Variants in CALCOCO1 observed in about 807,000 individuals in gnomAD.
The protein encoded by CALCOCO1 is calcium binding and coiled-coil domain 1.
A neutral mutation model predicts 86.3 loss-of-function variants in CALCOCO1; 44 were observed. The observed-to-expected ratio is 0.51, with a 90% CI of 0.40 to 0.66. The LOEUF (loss-of-function observed/expected upper bound fraction) is 0.66, where lower values mean the gene tolerates loss of function less well. Ranked by LOEUF, CALCOCO1 falls within the 30% of genes least tolerant of loss-of-function variation. The probability of loss-of-function intolerance (pLI) is 0.00; values close to 1 mark genes in which losing one functional copy is unlikely to be tolerated. For missense variants in CALCOCO1, 708 were observed against 851.1 expected (o/e 0.83, Z 2.09); for synonymous variants, 297 against 327.6 (o/e 0.91, Z 1.01).
chr12:53,718,799 T>C (rs1241630855), intron 7 of CALCOCO1, among the ~76,000 whole-genome samples: 3 of 151,458 alleles, frequency 2.0e-5, no homozygotes, highest in African/African-American at 4.9e-5. Flanking sequence ...CAAAGTGTTA[T>C]GATCACAGGT....
chr12:53,714,711 A>G lies in CALCOCO1; in HGVS notation c.1387-18T>C. ...AACTGTACCTGAGGGAAGAGGGCCC[A>G]ATGGAATCTGGAGCCTAGAATGTAC... is the stretch of plus-strand genomic sequence containing the variant. On this transcript the variant is annotated intron_variant, in intron 10 of 14. Transcript: ENST00000550804. The G allele has an allele frequency of 1.9e-6, 3 of 1,588,246 alleles. No homozygotes were observed. Among genetic ancestry groups the G allele is most frequent in the Non-Finnish European group, 2.6e-6 (3 of 1,158,052 alleles).
At position 53,723,688 on chromosome 12, in the gene CALCOCO1, G is replaced by C; in HGVS notation, c.355C>G (p.Arg119Gly). The C allele has an allele frequency of 6.2e-7, 1 of 1,614,182 alleles. No homozygotes were observed. Among genetic ancestry groups the C allele is most frequent in the Non-Finnish European group, 8.5e-7 (1 of 1,180,036 alleles). The stretch of plus-strand genomic sequence containing the variant: ...AGTTCATCCATGGGCCTTGGCTCTC[G>C]GAACTGGAAAGGGGGGCTCTGCCCA... ...VCGQSPPFQF[R>G]EPRPMDELVT... Residue 119 changes from arginine (R) to glycine (G), a missense_variant, in exon 4 of 15, where the codon CGA (arginine) becomes GGA (glycine). By Grantham distance (125) the Arg-to-Gly change is moderately radical. Coordinates refer to ENST00000550804, the MANE Select transcript of CALCOCO1 (RefSeq NM_020898.3).
At position 53,725,236 on chromosome 12, in the gene CALCOCO1, C is replaced by T; in HGVS notation, c.7G>A (p.Glu3Lys). Reference sequence around the variant, plus strand: ...GATGGTGCCCGGCTTAGTGGTGATTCTTCCATCCTGGCCTTGAGATATCTG... The same window carrying T: ...GATGGTGCCCGGCTTAGTGGTGATTTTTCCATCCTGGCCTTGAGATATCTG... Reference protein sequence around the residue: MEESPLSRAPSRG... With the variant: MEKSPLSRAPSRG... The change falls in exon 2 of 15, where the codon GAA (glutamate) becomes AAA (lysine). Residue 3 changes from glutamate (E) to lysine (K), a missense_variant. By Grantham distance (56) the Glu-to-Lys change is moderately conservative (BLOSUM62 1). Transcript: ENST00000550804. 2 of 1,595,216 alleles carry T rather than the reference C, an allele frequency of 1.3e-6. No homozygotes were observed. The highest frequency in any genetic ancestry group is 1.7e-6 in the Non-Finnish European group (2 of 1,171,462).
At chr12:53,725,321 C>T in intron 1 of CALCOCO1, 55 bp from the exon 2 acceptor site, 3 of 1,243,478 alleles carry the variant, frequency 2.4e-6, no homozygotes, top group Non-Finnish European at 3.3e-6. Context: ...TCCTTCCCCC[C>T]ACAGCTCCAG....
chr12:53,714,131 A>G lies in CALCOCO1; in HGVS notation c.1591+2T>C. On this transcript the variant is annotated splice_donor_variant, in intron 12 of 14. Coordinates refer to ENST00000550804, the MANE Select transcript of CALCOCO1 (RefSeq NM_020898.3). LOFTEE classifies it high-confidence loss of function. ...GTGTTACAAGATTGGGGCTACACGG[A>G]CTCAGCCCCACAGCGGCCTCCTCAT... 5.6e-6 allele frequency: 9 copies of G among 1,601,922 alleles called. No homozygotes were observed. The highest frequency in any genetic ancestry group is 7.7e-6 in the Non-Finnish European group (9 of 1,171,388).
intron 1 of CALCOCO1, among the ~76,000 whole-genome samples, chr12:53,727,201 G>GCCCC (rs1463822487): frequency 2.6e-5 from 4 of 152,054 alleles, no homozygotes; most frequent in African/African-American, 7.2e-5. Flanking sequence ...ACGAGGGGGC[G>GCCCC]CCCCCCACCC....
At chr12:53,719,615 G>T in intron 7 of CALCOCO1, 124 bp downstream of exon 7, 1 of 670,016 alleles carries the variant, frequency 1.5e-6, no homozygotes, top group East Asian at 2.7e-5. Flanking sequence ...TATGTCTTAT[G>T]TTCCCTAGTA....
At chr12:53,721,841 G>A (rs77592174) in intron 5 of CALCOCO1, 184 bp downstream of exon 5, 13,371 of 811,472 alleles carry the variant, frequency 0.016, 170 homozygotes, top group Middle Eastern at 0.041. Context: ...CTCATTACAC[G>A]TTTGGAACAT....
In CALCOCO1 at chr12:53,719,811, C is replaced by A; in HGVS notation, c.777G>T (p.Lys259Asn). 6.2e-7 allele frequency: 1 copy of A among 1,613,484 alleles called. No individual in the cohort carries two copies. The highest frequency in any genetic ancestry group is 8.5e-7 in the Non-Finnish European group (1 of 1,179,548). ...GCTTCTCTTGTTCCCGAGTCAGGGC[C>A]TTCACTGTGTCTCTAAGCCTGTGAT... Reference protein sequence around the residue: ...VELDRLRDTVKALTREQEKLL... With the variant: ...VELDRLRDTVNALTREQEKLL... The change falls in exon 7 of 15, where the codon AAG becomes AAT. Residue 259 changes from lysine to asparagine, a missense_variant. Lys to Asn is a moderately conservative substitution (Grantham distance 94). Transcript: ENST00000550804.
At chr12:53,721,410 G>T (rs1467661646) in intron 6 of CALCOCO1, 57 bp downstream of exon 6, 14 of 1,485,590 alleles carry the variant, frequency 9.4e-6, no homozygotes, top group Non-Finnish European at 1.3e-5. Flanking sequence ...AGAGGGGGCT[G>T]GAGTGCGGGG....
At chr12:53,712,888 T>C (rs1200360974) in intron 14 of CALCOCO1, 3 of 1,461,636 alleles carry the variant, frequency 2.1e-6, no homozygotes, top group South Asian at 1.2e-5. Flanking sequence ...GACCTCTGAG[T>C]GCATTGATAA....
rs1292089841 is a variant in CALCOCO1 at position 53,724,477 on chromosome 12, G to A, written c.259+168C>T. 7.4e-5 allele frequency: 46 copies of A among 620,344 alleles called. 1 individual carries two copies. The highest frequency in any genetic ancestry group is 5.2e-4 in the South Asian group (28 of 54,070). The allele number at this position is 620,344 out of a possible 1,614,324, so 38.4% of individuals were successfully genotyped here. ...ATGTCCCTGATTCTGCGATAATCCC[G>A]TGATTCTCTATCCGCTGAGCGCTGT... On this transcript the variant is annotated intron_variant, in intron 3 of 14. Transcript: ENST00000550804.
At position 53,709,227 on chromosome 12, in the gene CALCOCO1, A is replaced by G. The variant is rs947498901; in HGVS notation, c.*2717T>C. The G allele has an allele frequency of 5.9e-5, 9 of 152,286 alleles. No individual in the cohort carries two copies. The highest frequency in any genetic ancestry group is 1.7e-4 in the African/African-American group (7 of 41,470). 9.4% of individuals were successfully genotyped at this position (152,286 alleles called of 1,614,324 possible). ...TCCATTATAGAAGAGAAATAAGTAG[A>G]AAGGCTGAGTTGCCAAATACCCCTC... On this transcript the variant is annotated 3_prime_UTR_variant, in exon 15 of 15. Transcript: ENST00000550804.
chr12:53,713,230 GGGCTTTGGGGT>G, intron 13 of CALCOCO1, 24 bp from the exon 14 acceptor site: 1 of 1,597,562 alleles, frequency 6.3e-7, no homozygotes, highest in South Asian at 1.1e-5. Flanking sequence ...AGACAGGGTT[GGGCTTTGGGGT>G]GGTGTCCCAA....
At chr12:53,712,189 G>A (rs1565640004) in intron 14 of CALCOCO1, 68 bp from the exon 15 acceptor site, 2 of 1,411,272 alleles carry the variant, frequency 1.4e-6, no homozygotes, top group Non-Finnish European at 1.9e-6. Context: ...TGCAGACTTC[G>A]GAGAGCAGGA....
At chr12:53,727,103 C>G (rs1158875388) in intron 1 of CALCOCO1, among the ~76,000 whole-genome samples, 1 of 151,872 alleles carries the variant, frequency 6.6e-6, no homozygotes, top group African/African-American at 2.4e-5. Context: ...GTGTAGGGGA[C>G]ACGTCTTGCC....
In CALCOCO1 at chr12:53,715,774, G is replaced by T. The variant is rs768938535; in HGVS notation, c.1260+19C>A. ...GGGGCAGTGGCCATCAGATTGCCAG[G>T]TACCCCCCATCCCTCTACCTCCACA... On this transcript the variant is annotated intron_variant, in intron 9 of 14. Transcript: ENST00000550804. The T allele has an allele frequency of 1.2e-6, 2 of 1,608,026 alleles. No homozygotes were observed. Among genetic ancestry groups the T allele is most frequent in the Non-Finnish European group, 8.5e-7 (1 of 1,177,970 alleles).
chr12:53,718,283 G>T (rs1167068777), intron 7 of CALCOCO1, among the ~76,000 whole-genome samples: 3 of 152,186 alleles, frequency 2.0e-5, no homozygotes, highest in Admixed American at 1.3e-4. Flanking sequence ...TACATTAGTT[G>T]CTGAGGCTGG....
At chr12:53,718,489 G>A (rs1390504696) in intron 7 of CALCOCO1, among the ~76,000 whole-genome samples, 1 of 152,174 alleles carries the variant, frequency 6.6e-6, no homozygotes, top group Non-Finnish European at 1.5e-5. Flanking sequence ...GGAGAGGAAA[G>A]GGTTCTGCTA....
Sources: gnomAD v4.1 joint callset for allele counts (sites outside exome capture counted in the v4.1 genomes callset) on GRCh38, gnomAD v4.1.1 for gene constraint, MANE v1.5 for transcripts, NCBI Gene and HGNC (gene_info 2026-07-23, HGNC 2026-07-21) for gene names.